Variants in CADPS2 observed in about 807,000 individuals in gnomAD.
CADPS2 encodes calcium dependent secretion activator 2.
A neutral mutation model predicts 172.5 loss-of-function variants in CADPS2; 93 were observed. The ratio of observed to expected loss-of-function variants is 0.54; its 90% CI spans 0.46 to 0.64. The LOEUF is 0.64. Among genes scored for constraint, CADPS2 ranks in the 30% least tolerant of loss-of-function variants. The pLI is 0.00. For missense variants in CADPS2, 1,420 were observed against 1,565.9 expected, an observed-to-expected ratio of 0.91 and a Z score of 1.57; for synonymous variants, 546 against 555.2, an observed-to-expected ratio of 0.98 and a Z score of 0.23.
At chr7:122,660,787 G>A (rs2080442725) in intron 3 of CADPS2, among the ~76,000 whole-genome samples, 1 of 152,046 alleles carries the variant, frequency 6.6e-6, no homozygotes, top group African/African-American at 2.4e-5. Flanking sequence ...TGTGGTGCCT[G>A]TAATCCCAGC....
chr7:122,850,142 G>T, intron 1 of CADPS2: 1 of 1,199,168 alleles, frequency 8.3e-7, no homozygotes, highest in East Asian at 2.9e-5. Flanking sequence ...AGCAACTGCT[G>T]AACAGGGCGT....
chr7:122,750,983 T>C (rs1021255670), intron 1 of CADPS2, among the ~76,000 whole-genome samples: 1 of 152,160 alleles, frequency 6.6e-6, no homozygotes, highest in Non-Finnish European at 1.5e-5. Flanking sequence ...AAATTTTTTT[T>C]GGACCAACAT....
At chr7:122,537,754 GA>G (rs1427385937) in intron 8 of CADPS2, among the ~76,000 whole-genome samples, 2 of 151,422 alleles carry the variant, frequency 1.3e-5, no homozygotes, top group African/African-American at 2.4e-5. Context: ...TAAGAGAGAC[GA>G]AATTAATACA....
intron 17 of CADPS2, among the ~76,000 whole-genome samples, chr7:122,432,378 G>C (rs1261535498): frequency 1.3e-5 from 2 of 152,132 alleles, no homozygotes; most frequent in Non-Finnish European, 2.9e-5. Flanking sequence ...TGTGGCTCAT[G>C]CTTGTAATCC....
At chr7:122,784,621 T>C (rs966868489) in intron 1 of CADPS2, among the ~76,000 whole-genome samples, 1 of 152,246 alleles carries the variant, frequency 6.6e-6, no homozygotes, top group Non-Finnish European at 1.5e-5. Flanking sequence ...TTTCTCTCAG[T>C]AGTGTGTGGA....
intron 6 of CADPS2, among the ~76,000 whole-genome samples, chr7:122,590,774 T>C (rs998757422): frequency 1.3e-5 from 2 of 151,796 alleles, no homozygotes; most frequent in African/African-American, 2.4e-5. Flanking sequence ...AGTCAAAAAT[T>C]TTAAATAATT....
At chr7:122,542,422 G>A (rs1292489870) in intron 8 of CADPS2, among the ~76,000 whole-genome samples, 1 of 152,050 alleles carries the variant, frequency 6.6e-6, no homozygotes, top group Non-Finnish European at 1.5e-5. Context: ...AACAACACAT[G>A]GTTTTCTATA....
intron 28 of CADPS2, among the ~76,000 whole-genome samples, chr7:122,344,570 T>G (rs897735366): frequency 6.6e-6 from 1 of 152,184 alleles, no homozygotes; most frequent in Non-Finnish European, 1.5e-5. Flanking sequence ...TTAGCACATA[T>G]CAGTACTTTA....
chr7:122,397,952 T>C (rs1284975246), intron 20 of CADPS2, among the ~76,000 whole-genome samples: 1 of 152,160 alleles, frequency 6.6e-6, no homozygotes, highest in Non-Finnish European at 1.5e-5. Flanking sequence ...AAAAAATAAC[T>C]TTTTTCCCGA....
chr7:122,700,625 A>G (rs1564102849), intron 2 of CADPS2, among the ~76,000 whole-genome samples: 1 of 152,210 alleles, frequency 6.6e-6, no homozygotes, highest in Non-Finnish European at 1.5e-5. Flanking sequence ...TCTACTAGAA[A>G]AAAGGAAGAT....
chr7:122,805,826 A>G (rs1029125636), intron 1 of CADPS2, among the ~76,000 whole-genome samples: 6 of 152,220 alleles, frequency 3.9e-5, no homozygotes, highest in Non-Finnish European at 8.8e-5. Context: ...AAAAATGCAC[A>G]TGGATACCTT....
intron 18 of CADPS2, 109 bp from the exon 19 acceptor site, chr7:122,414,185 G>GA: frequency 6.3e-6 from 4 of 639,726 alleles, no homozygotes; most frequent in South Asian, 4.0e-5. Flanking sequence ...TCAGTATATC[G>GA]TATAGTGATA....
chr7:122,583,007 T>C lies in CADPS2; in HGVS notation c.1224-1717A>G, dbSNP rs568115411. 7.2e-4 allele frequency among the ~76,000 whole-genome samples: 109 copies of C among 152,092 alleles called. 1 individual carries two copies. Among genetic ancestry groups the C allele is most frequent in the African/African-American group, 2.5e-3 (104 of 41,542 alleles). ...TCAAAGAGAAAAGTGAACTTTGTCT[T>C]TGAACCTGGTCCTTCTGAAATGCAT... On this transcript the variant is annotated intron_variant, in intron 6 of 29. Coordinates refer to ENST00000449022, the MANE Select transcript of CADPS2 (RefSeq NM_017954.11).
intron 28 of CADPS2, among the ~76,000 whole-genome samples, chr7:122,344,377 T>C (rs2150967376): frequency 6.6e-6 from 1 of 152,340 alleles, no homozygotes; most frequent in East Asian, 1.9e-4. Flanking sequence ...GAACTGACTG[T>C]AAAATAATTA....
At chr7:122,791,407 C>G (rs909237076) in intron 1 of CADPS2, among the ~76,000 whole-genome samples, 1 of 151,320 alleles carries the variant, frequency 6.6e-6, no homozygotes, top group African/African-American at 2.4e-5. Context: ...GGGTCATTTT[C>G]TTTGATTCTC....
At chr7:122,749,919 A>C (rs2092876638) in intron 1 of CADPS2, among the ~76,000 whole-genome samples, 2 of 151,966 alleles carry the variant, frequency 1.3e-5, no homozygotes, top group East Asian at 3.9e-4. Flanking sequence ...TGCTGCTAAT[A>C]AGAAAAGGCA....
chr7:122,882,212 T>C (rs1267195968), intron 1 of CADPS2, among the ~76,000 whole-genome samples: 1 of 152,194 alleles, frequency 6.6e-6, no homozygotes, highest in African/African-American at 2.4e-5. Flanking sequence ...TACATACATT[T>C]CTCAAACTTA....
intron 2 of CADPS2, among the ~76,000 whole-genome samples, chr7:122,735,422 A>G (rs941202875): frequency 6.6e-6 from 1 of 152,082 alleles, no homozygotes; most frequent in Non-Finnish European, 1.5e-5. Flanking sequence ...AGAGAACATA[A>G]TCCTCATGTA....
chr7:122,440,772 G>A (rs2051246992), intron 16 of CADPS2, among the ~76,000 whole-genome samples: 1 of 152,162 alleles, frequency 6.6e-6, no homozygotes, highest in African/African-American at 2.4e-5. Flanking sequence ...ATGAGCTACA[G>A]ATGAATCTAG....
Sources: gnomAD v4.1 joint callset for allele counts (sites outside exome capture counted in the v4.1 genomes callset) on GRCh38, gnomAD v4.1.1 for gene constraint, MANE v1.5 for transcripts, NCBI Gene and HGNC (gene_info 2026-07-23, HGNC 2026-07-21) for gene names.